Variants in VPS13A observed in about 807,000 individuals in gnomAD.
VPS13A encodes the protein vacuolar protein sorting 13 homolog A, also known as intermembrane lipid transfer protein VPS13A.
In VPS13A, 264 loss-of-function variants were observed where a neutral mutation model predicts 390.9. The observed-to-expected ratio is 0.68, with a 90% CI of 0.61 to 0.75. The LOEUF (loss-of-function observed/expected upper bound fraction) is 0.75. Among genes scored for constraint, VPS13A ranks in the 30% least tolerant of loss-of-function variants. VPS13A has a pLI of 0.00. For missense variants in VPS13A, 3,409 were observed against 3,733.9 expected (o/e 0.91, Z 2.27); for synonymous variants, 1,231 against 1,227.1 (o/e 1.00, Z -0.07).
intron 68 of VPS13A, among the ~76,000 whole-genome samples, chr9:77,402,933 T>TA (rs1348657148): frequency 6.6e-6 from 1 of 152,204 alleles, no homozygotes; most frequent in East Asian, 1.9e-4. Context: ...TTTTCCAATA[T>TA]AAAGTCACTG....
intron 19 of VPS13A, among the ~76,000 whole-genome samples, chr9:77,245,321 A>T (rs1824743527): frequency 6.6e-6 from 1 of 152,244 alleles, no homozygotes; most frequent in African/African-American, 2.4e-5. Flanking sequence ...TCCTTAGACT[A>T]GAGATGGAAA....
At position 77,365,496 on chromosome 9, in the gene VPS13A, G is replaced by A; in HGVS notation, c.8248G>A (p.Glu2750Lys). The A allele has an allele frequency of 6.2e-7, 1 of 1,611,862 alleles. No homozygotes were observed. The highest frequency in any genetic ancestry group is 8.5e-7 in the Non-Finnish European group (1 of 1,178,438). The change falls in exon 60 of 72, where the codon GAA (glutamate) becomes AAA (lysine). Residue 2750 changes from glutamate to lysine, a missense_variant. Glu to Lys is a moderately conservative substitution (Grantham distance 56). Coordinates refer to ENST00000360280, the MANE Select transcript of VPS13A (RefSeq NM_033305.3). Reference protein sequence around the residue: ...LFHKDIEAFKEEYKTASLVDQ... With the variant: ...LFHKDIEAFKKEYKTASLVDQ... ...TCATAAAGATATAGAAGCTTTCAAA[G>A]AAGAATATAAAACAGCCTCATTAGT...
chr9:77,205,434 A>G, intron 4 of VPS13A, 26 bp downstream of exon 4: 1 of 1,124,090 alleles, frequency 8.9e-7, no homozygotes, highest in Non-Finnish European at 1.2e-6. Flanking sequence ...AAAAATTATA[A>G]TTTAAGTTAT....
chr9:77,346,677 C>G (rs1013485601), intron 52 of VPS13A, among the ~76,000 whole-genome samples: 1 of 152,148 alleles, frequency 6.6e-6, no homozygotes, highest in Non-Finnish European at 1.5e-5. Flanking sequence ...AGTCTTTGAT[C>G]GATCTTGAGT....
intron 33 of VPS13A, among the ~76,000 whole-genome samples, chr9:77,300,612 A>G (rs765377500): frequency 2.0e-5 from 3 of 152,206 alleles, no homozygotes; most frequent in African/African-American, 7.2e-5. Context: ...TATGCCTGTC[A>G]TCCCAGATAC....
rs147000952 is a variant in VPS13A, at chr9:77,266,488, G to A, written c.2427+6264G>A. Reference sequence around the variant, plus strand: ...TTCTTTAAGAATGTTGAATATTGGCGCCCACTCTCTTCTGGCTTGTAGGGT... The same window carrying A: ...TTCTTTAAGAATGTTGAATATTGGCACCCACTCTCTTCTGGCTTGTAGGGT... On this transcript the variant is annotated intron_variant, in intron 23 of 71. Transcript: ENST00000360280. Among the ~76,000 whole-genome samples, 361 of 151,878 alleles carry A rather than the reference G, an allele frequency of 2.4e-3. 1 individual carries two copies. The highest frequency in any genetic ancestry group is 8.1e-3 in the African/African-American group (336 of 41,454).
chr9:77,231,019 T>C (rs2131209541), intron 17 of VPS13A, among the ~76,000 whole-genome samples: 1 of 152,330 alleles, frequency 6.6e-6, no homozygotes, highest in East Asian at 1.9e-4. Flanking sequence ...AATTGTTTTC[T>C]TAATTTCATT....
rs1279160190 is a variant in VPS13A at position 77,207,122 on chromosome 9, T to TA, written c.385+1054dup. On this transcript the variant is annotated intron_variant, in intron 5 of 71. Coordinates refer to ENST00000360280, the MANE Select transcript of VPS13A (RefSeq NM_033305.3). ...TTAAGCAGTATTATAGTGTCCGGATTAAAAAAAAAAACCAACTGTTCCTGG... is the reference window on the plus strand; with the variant it reads ...TTAAGCAGTATTATAGTGTCCGGATTAAAAAAAAAAAACCAACTGTTCCTGG... Among the ~76,000 whole-genome samples, 990 of 134,760 alleles carry TA rather than the reference T, an allele frequency of 7.3e-3. 33 individuals carry two copies. Among genetic ancestry groups the TA allele is most frequent in the Admixed American group, 0.059 (766 of 12,980 alleles). 88.4% of individuals were successfully genotyped at this position (134,760 alleles called of 152,430 possible).
intron 10 of VPS13A, among the ~76,000 whole-genome samples, chr9:77,217,227 C>A (rs1822915340): frequency 6.6e-6 from 1 of 152,144 alleles, no homozygotes; most frequent in Admixed American, 6.5e-5. Context: ...CTAGCAACAT[C>A]ATTTAGAAAT....
rs142794317 is a variant in VPS13A at position 77,332,605 on chromosome 9, A to G, written c.6095+492A>G. ...TAATTTTAAATTTTTAAAGTAATTA[A>G]ATTTGATACAATATGTTTTAAGAAA... On this transcript the variant is annotated intron_variant, in intron 46 of 71. Coordinates refer to ENST00000360280, the MANE Select transcript of VPS13A (RefSeq NM_033305.3). 5.8e-3 allele frequency among the ~76,000 whole-genome samples: 878 copies of G among 152,012 alleles called. 11 individuals are homozygous for G. Among genetic ancestry groups the G allele is most frequent in the African/African-American group, 0.02 (847 of 41,526 alleles).
chr9:77,195,148 T>C (rs887267568), intron 1 of VPS13A, among the ~76,000 whole-genome samples: 6 of 152,082 alleles, frequency 3.9e-5, no homozygotes, highest in African/African-American at 1.4e-4. Context: ...TTTTTGAATA[T>C]GGTATAAGCC....
chr9:77,317,794 A>G, intron 40 of VPS13A, 96 bp downstream of exon 40: 2 of 856,026 alleles, frequency 2.3e-6, no homozygotes, highest in African/African-American at 1.7e-5. Context: ...TTGTTATGCA[A>G]ACAAAATAGG....
chr9:77,178,960 C>G (rs60763602), intron 1 of VPS13A, among the ~76,000 whole-genome samples: 23,217 of 152,126 alleles, frequency 0.15, 2,056 homozygotes, highest in African/African-American at 0.24. Context: ...ATGTTACTAC[C>G]GTGGGGACCT....
At chr9:77,339,406 G>C (rs1280841607) in intron 47 of VPS13A, 110 bp from the exon 48 acceptor site, 1 of 1,021,756 alleles carries the variant, frequency 9.8e-7, no homozygotes, top group Admixed American at 2.6e-5. Context: ...TGTTCTGATA[G>C]GTATTTCAAA....
At chr9:77,204,600 TAC>T (rs896101504) in intron 3 of VPS13A, among the ~76,000 whole-genome samples, 20 of 152,116 alleles carry the variant, frequency 1.3e-4, no homozygotes, top group Non-Finnish European at 2.2e-4. Flanking sequence ...AAAATATACA[TAC>T]ACACACTTAT....
Position 77,369,171 on chromosome 9 carries a change from A to C in VPS13A, c.8554-128A>C, listed in dbSNP as rs553728409. 65 of 708,862 alleles carry C rather than the reference A, an allele frequency of 9.2e-5. No homozygotes were observed. In the African/African-American group the frequency reaches 1.0e-3, roughly 11 times the overall value. The allele number at this position is 708,862 out of a possible 1,614,324, so 43.9% of individuals were successfully genotyped here. A position where few individuals can be genotyped will look rare whatever the true frequency, so the allele number is the denominator to read the frequency against. ...AAAGAGTAGTGATTAATAAAATGAG[A>C]TGGTTTAGGAGTTGAAATTGGCATT... On this transcript the variant is annotated intron_variant, in intron 62 of 71. Coordinates refer to ENST00000360280, the MANE Select transcript of VPS13A (RefSeq NM_033305.3).
chr9:77,393,766 A>AT (rs944594271), intron 68 of VPS13A, among the ~76,000 whole-genome samples: 1 of 151,958 alleles, frequency 6.6e-6, no homozygotes, highest in African/African-American at 2.4e-5. Context: ...GGACTCTAGG[A>AT]TTTTTTCTTT....
intron 19 of VPS13A, 38 bp from the exon 20 acceptor site, chr9:77,247,221 G>T (rs754474743): frequency 1.5e-5 from 22 of 1,481,774 alleles, no homozygotes; most frequent in Non-Finnish European, 1.9e-5. Flanking sequence ...CGAGTAATTT[G>T]TGAAAAGTAT....
At chr9:77,346,861 C>T (rs1831185409) in intron 52 of VPS13A, among the ~76,000 whole-genome samples, 1 of 152,228 alleles carries the variant, frequency 6.6e-6, no homozygotes, top group African/African-American at 2.4e-5. Context: ...CCAGCCTTGT[C>T]TGTAAACCAT....
Sources: allele counts gnomAD v4.1 joint callset (sites outside exome capture counted in the v4.1 genomes callset), GRCh38; gene constraint gnomAD v4.1.1; transcripts MANE v1.5; gene names NCBI Gene and HGNC (gene_info 2026-07-23, HGNC 2026-07-21).